PDE1A: variants seen among roughly 807,000 people sequenced by gnomAD.
The protein encoded by PDE1A is dual specificity calcium/calmodulin-dependent 3',5'-cyclic nucleotide phosphodiesterase 1A.
A neutral mutation model predicts 61.7 loss-of-function variants in PDE1A; 35 were observed. The ratio of observed to expected loss-of-function variants is 0.57; its 90% CI spans 0.43 to 0.75. The LOEUF is 0.75. Among genes scored for constraint, PDE1A ranks in the 30% least tolerant of loss-of-function variants. The pLI is 0.00. For synonymous variants in PDE1A, 232 were observed against 213.2 expected, an observed-to-expected ratio of 1.09 and a Z score of -0.77; for missense variants, 597 against 630.6, an observed-to-expected ratio of 0.95 and a Z score of 0.57.
intron 1 of PDE1A, among the ~76,000 whole-genome samples, chr2:182,424,275 G>A (rs967226468): frequency 1.8e-4 from 27 of 152,252 alleles, no homozygotes; most frequent in African/African-American, 6.3e-4. Flanking sequence ...AATTTTAAAT[G>A]AATTACTTTT....
At chr2:182,281,834 A>G (rs1380938645) in intron 1 of PDE1A, among the ~76,000 whole-genome samples, 1 of 151,982 alleles carries the variant, frequency 6.6e-6, no homozygotes, top group African/African-American at 2.4e-5. Context: ...GCAAATTGTC[A>G]ATTTTGCTTC....
intron 6 of PDE1A, among the ~76,000 whole-genome samples, chr2:182,225,458 C>T (rs187524521): frequency 4.4e-4 from 67 of 151,998 alleles, no homozygotes; most frequent in African/African-American, 1.5e-3. Flanking sequence ...CTTCACATAA[C>T]CTATCATGAT....
chr2:182,250,386 G>T (rs991371382), intron 2 of PDE1A, among the ~76,000 whole-genome samples: 1 of 152,218 alleles, frequency 6.6e-6, no homozygotes, highest in African/African-American at 2.4e-5. Flanking sequence ...TGTCAGGATG[G>T]AAATAGGTAA....
At chr2:182,546,319 G>T in the PDE1A span, among the ~76,000 whole-genome samples, 1 of 152,062 alleles carries the variant, frequency 6.6e-6, no homozygotes, top group African/African-American at 2.4e-5. Context: ...CAAAGTTAAA[G>T]CCATTTTGCT....
In PDE1A at chr2:182,337,270, C is replaced by A. The variant is rs7608624; in HGVS notation, c.54-72856G>T. Among the ~76,000 whole-genome samples, 338 of 152,074 alleles carry A rather than the reference C, an allele frequency of 2.2e-3. 2 individuals carry two copies. The highest frequency in any genetic ancestry group is 7.7e-3 in the African/African-American group (318 of 41,472). ...GGAAAGAAATACATACAAAATAAAG[C>A]AGAACATTAAGTGGAAAGAAAGAAA... is the stretch of plus-strand genomic sequence containing the variant. On this transcript the variant is annotated intron_variant, in intron 1 of 13. Coordinates refer to ENST00000351439, the Ensembl canonical transcript of PDE1A.
At chr2:182,355,137 T>C (rs1284325956) in intron 1 of PDE1A, among the ~76,000 whole-genome samples, 1 of 152,036 alleles carries the variant, frequency 6.6e-6, no homozygotes, top group African/African-American at 2.4e-5. Flanking sequence ...CTTTCTCATA[T>C]ACACAAGAAA....
In PDE1A at chr2:182,483,005, A is replaced by G. The variant is rs79354315; in HGVS notation, c.101+39271T>C. On this transcript the variant is annotated intron_variant, in intron 2 of 14. Transcript: ENST00000410103. ...AAAATAAAAGGATGGAAAAAGCTAT[A>G]CTGTATAACCATCAGGGAGCTGATG... Among the ~76,000 whole-genome samples, 439 of 152,082 alleles carry G rather than the reference A, an allele frequency of 2.9e-3. 2 individuals are homozygous for G. Among genetic ancestry groups the G allele is most frequent in the African/African-American group, 0.01 (421 of 41,534 alleles).
intron 1 of PDE1A, among the ~76,000 whole-genome samples, chr2:182,274,247 G>A (rs963270548): frequency 2.0e-5 from 3 of 151,940 alleles, no homozygotes; most frequent in Admixed American, 1.3e-4. Flanking sequence ...AAATGGCTTG[G>A]GATATTTATT....
chr2:182,353,073 ACTAT>A (rs1403169129), intron 1 of PDE1A, among the ~76,000 whole-genome samples: 3 of 152,200 alleles, frequency 2.0e-5, no homozygotes, highest in Non-Finnish European at 2.9e-5. Context: ...CTTGACAACT[ACTAT>A]CACAATTACA....
chr2:182,386,641 C>G (rs1030078303), intron 1 of PDE1A, among the ~76,000 whole-genome samples: 1 of 151,760 alleles, frequency 6.6e-6, no homozygotes, highest in Non-Finnish European at 1.5e-5. Flanking sequence ...AGGAGCCCCT[C>G]CGCCCGGCAG....
chr2:182,652,345 T>C, the PDE1A span, among the ~76,000 whole-genome samples: 1 of 152,190 alleles, frequency 6.6e-6, no homozygotes, highest in East Asian at 1.9e-4. Context: ...GGTCTTTAGA[T>C]TCCTTCTGCA....
intron 2 of PDE1A, among the ~76,000 whole-genome samples, chr2:182,442,939 T>C (rs1684886275): frequency 6.6e-6 from 1 of 152,016 alleles, no homozygotes. Flanking sequence ...CTATTCACAG[T>C]GATTTACAAA....
intron 2 of PDE1A, among the ~76,000 whole-genome samples, chr2:182,440,465 T>C (rs915856106): frequency 1.3e-5 from 2 of 152,088 alleles, no homozygotes; most frequent in African/African-American, 4.8e-5. Flanking sequence ...ACCACATAGC[T>C]GTCTATTCTT....
chr2:182,400,439 T>C (rs886467332), intron 1 of PDE1A, among the ~76,000 whole-genome samples: 1 of 152,212 alleles, frequency 6.6e-6, no homozygotes, highest in Non-Finnish European at 1.5e-5. Context: ...CAAGATAATG[T>C]GCCTTCGTAT....
At chr2:182,483,279 C>A (rs1196043371) in intron 2 of PDE1A, among the ~76,000 whole-genome samples, 1 of 151,702 alleles carries the variant, frequency 6.6e-6, no homozygotes, top group Non-Finnish European at 1.5e-5. Context: ...AAAAACTAGA[C>A]AGAAAAAATA....
chr2:182,278,574 G>A (rs933954083), intron 1 of PDE1A, among the ~76,000 whole-genome samples: 4 of 151,898 alleles, frequency 2.6e-5, no homozygotes, highest in African/African-American at 7.2e-5. Context: ...TTGATCTAGT[G>A]TATAGTGGTA....
At chr2:182,531,064 AT>A in the PDE1A span, among the ~76,000 whole-genome samples, 1 of 152,060 alleles carries the variant, frequency 6.6e-6, no homozygotes, top group Non-Finnish European at 1.5e-5. Flanking sequence ...ATATCAGTAG[AT>A]TTTTATAAGC....
intron 2 of PDE1A, among the ~76,000 whole-genome samples, chr2:182,455,998 A>G (rs1418572141): frequency 6.6e-6 from 1 of 152,026 alleles, no homozygotes; most frequent in Admixed American, 6.6e-5. Context: ...TATTTAGATT[A>G]TTTTCAACAC....
intron 2 of PDE1A, among the ~76,000 whole-genome samples, chr2:182,477,157 A>G (rs191133237): frequency 4.6e-5 from 7 of 152,056 alleles, no homozygotes; most frequent in Admixed American, 1.3e-4. Flanking sequence ...AGAAGCCAAT[A>G]TATCCTATAT....
Sources: allele counts gnomAD v4.1 joint callset (sites outside exome capture counted in the v4.1 genomes callset), GRCh38; gene constraint gnomAD v4.1.1; transcripts MANE v1.5; gene names NCBI Gene and HGNC (gene_info 2026-07-23, HGNC 2026-07-21).